The following GSS variants were observed in gnomAD, a reference collection of about 807,000 sequenced individuals.
GSS encodes glutathione synthetase.
Under a neutral mutation model 60.4 loss-of-function variants are expected in GSS, and 34 were observed. The ratio of observed to expected loss-of-function variants is 0.56; its 90% CI spans 0.43 to 0.75. The LOEUF is 0.75. GSS is among the 30% of genes least tolerant of loss of function. The pLI is 0.00. For synonymous variants in GSS, 224 were observed against 239.0 expected (o/e 0.94, Z 0.58); for missense variants, 499 against 595.1 (o/e 0.84, Z 1.68).
intron 3 of GSS, 34 bp downstream of exon 3, chr20:34,945,919 G>A: frequency 1.9e-6 from 3 of 1,611,598 alleles, no homozygotes; most frequent in Non-Finnish European, 2.5e-6. Context: ...GGCTCTGGCA[G>A]CTCCTGGCCC....
At chr20:34,951,683 T>C (rs749684727) in intron 2 of GSS, 41 bp downstream of exon 2, 3 of 1,579,712 alleles carry the variant, frequency 1.9e-6, no homozygotes, top group Non-Finnish European at 2.6e-6. Context: ...GGCCAGACAG[T>C]GGGCCATGGT....
intron 1 of GSS, chr20:34,952,075 C>T: frequency 1.7e-6 from 1 of 600,700 alleles, no homozygotes; most frequent in Non-Finnish European, 3.0e-6. Flanking sequence ...CATTGCCACT[C>T]TCTCTTTTGA....
In GSS at chr20:34,931,368, C is replaced by T. The variant is rs558398369; in HGVS notation, c.1079G>A (p.Arg360Gln). Residue 360 changes from arginine (R) to glutamine (Q), a missense_variant, in exon 11 of 13, where the codon CGG (arginine) becomes CAG (glutamine). Transcript: ENST00000651619. ...AIAEALAAPS[R>Q]FVLKPQREGG... ...CTCTCTCTGGGGCTTTAGCACAAAC[C>T]GGCTAGGGGCAGCAAGGGCCTCGGC... is the stretch of plus-strand genomic sequence containing the variant. The T allele has an allele frequency of 1.5e-5, 25 of 1,614,180 alleles. No individual in the cohort carries two copies. Among genetic ancestry groups the T allele is most frequent in the South Asian group, 9.9e-5 (9 of 91,088 alleles).
In GSS at chr20:34,928,930, C is replaced by G. The variant is rs1038132865; in HGVS notation, c.1323G>C (p.Met441Ile). ...VYVRQEKTLV[M>I]NKHVGHLLRT... is the part of the protein sequence containing the mutation. ...GAAGTAGATGCCCCACGTGCTTGTTCATCACGAGTGTCTTTTCCTGCCTAT... is the reference window on the plus strand; with the variant it reads ...GAAGTAGATGCCCCACGTGCTTGTTGATCACGAGTGTCTTTTCCTGCCTAT... The change falls in exon 13 of 13, where the codon ATG (methionine) becomes ATC (isoleucine). Residue 441 changes from methionine (M) to isoleucine (I), a missense_variant. By Grantham distance (10) the Met-to-Ile change is conservative (BLOSUM62 1). Coordinates refer to ENST00000651619, the MANE Select transcript of GSS (RefSeq NM_000178.4). 2 of 1,613,396 alleles carry G rather than the reference C, an allele frequency of 1.2e-6. No individual in the cohort carries two copies. Among genetic ancestry groups the G allele is most frequent in the African/African-American group, 1.3e-5 (1 of 74,870 alleles).
In GSS at chr20:34,942,580, G is replaced by A. The variant is rs181055807; in HGVS notation, c.399C>T (p.Ser133=). Residue 133 remains serine, a synonymous_variant, in exon 5 of 13, where the codon AGC becomes AGT. Transcript: ENST00000651619. The part of the protein sequence containing the change: ...LNRSDYMFQR[S]ADGSPALKQI... Reference sequence around the variant, plus strand: ...GTTTCAGGGCTGGGGAGCCATCTGCGCTGCGCTGGAACATGTAGTCTGAGC... The same window carrying A: ...GTTTCAGGGCTGGGGAGCCATCTGCACTGCGCTGGAACATGTAGTCTGAGC... 8.6e-5 allele frequency: 139 copies of A among 1,613,914 alleles called. No individual in the cohort carries two copies. Among genetic ancestry groups the A allele is most frequent in the East Asian group, 8.2e-4 (37 of 44,878 alleles).
At chr20:34,950,629 C>T (rs1042798115) in intron 2 of GSS, among the ~76,000 whole-genome samples, 23 of 151,214 alleles carry the variant, frequency 1.5e-4, no homozygotes, top group African/African-American at 4.9e-4. Flanking sequence ...ATTAGCCAGG[C>T]GTAGTGGCAC....
At chr20:34,931,198 T>C (rs2081398282) in intron 11 of GSS, 138 bp downstream of exon 11, 2 of 750,358 alleles carry the variant, frequency 2.7e-6, no homozygotes, top group Non-Finnish European at 4.8e-6. Flanking sequence ...TAGGGGACAC[T>C]GTCCAACATG....
chr20:34,942,631 T>C lies in GSS; in HGVS notation c.352-4A>G, dbSNP rs755150087. The C allele has an allele frequency of 6.2e-7, 1 of 1,613,824 alleles. No homozygotes were observed. Among genetic ancestry groups the C allele is most frequent in the Non-Finnish European group, 8.5e-7 (1 of 1,179,900 alleles). On this transcript the variant is annotated splice_region_variant and splice_polypyrimidine_tract_variant and intron_variant, in intron 4 of 12. Transcript: ENST00000651619. ...GATTCAGGCCCAGGAACACAGTCTG[T>C]GGGGAAAACTGAAGGCTGACAGTAC...
intron 5 of GSS, 50 bp from the exon 6 acceptor site, chr20:34,941,879 C>G: frequency 1.0e-6 from 1 of 1,002,310 alleles, no homozygotes. Flanking sequence ...CTGGAAGACC[C>G]CTCTGCCCAT....
chr20:34,955,053 G>A (rs985156582), intron 1 of GSS: 1 of 152,078 alleles, frequency 6.6e-6, no homozygotes, highest in Non-Finnish European at 1.5e-5. Flanking sequence ...GACTTGGCAC[G>A]TGCTGTCTTC....
intron 2 of GSS, among the ~76,000 whole-genome samples, chr20:34,948,476 A>G (rs1033515875): frequency 2.6e-5 from 4 of 152,152 alleles, no homozygotes; most frequent in African/African-American, 9.7e-5. Flanking sequence ...CACTTTTGAT[A>G]GAGACATTAA....
chr20:34,943,112 C>A, intron 3 of GSS, 106 bp from the exon 4 acceptor site: 1 of 776,502 alleles, frequency 1.3e-6, no homozygotes, highest in Non-Finnish European at 2.3e-6. Context: ...GTCTACTGGC[C>A]AAAACTTGAA....
chr20:34,947,881 T>G (rs1388203988), intron 2 of GSS, among the ~76,000 whole-genome samples: 2 of 152,016 alleles, frequency 1.3e-5, no homozygotes, highest in Non-Finnish European at 2.9e-5. Flanking sequence ...AAAGTAAAAA[T>G]ATCAAGTAAT....
At position 34,951,817 on chromosome 20, in the gene GSS, T is replaced by C; in HGVS notation, c.36A>G (p.Lys12=). ...ATNWGSLLQD[K]QQLEELARQA... ...GCCGTGCCAGCTCCTCTAGCTGCTG[T>C]TTATCCTGCAAGAGGCTCCCCCAGT... is the stretch of plus-strand genomic sequence containing the variant. Residue 12 remains lysine, a synonymous_variant, in exon 2 of 13, where the codon AAA becomes AAG. Coordinates refer to ENST00000651619, the MANE Select transcript of GSS (RefSeq NM_000178.4). 6.2e-7 allele frequency: 1 copy of C among 1,614,082 alleles called. No homozygotes were observed. Among genetic ancestry groups the C allele is most frequent in the Non-Finnish European group, 8.5e-7 (1 of 1,180,010 alleles).
chr20:34,946,233 G>A, intron 2 of GSS, 135 bp from the exon 3 acceptor site: 1 of 672,314 alleles, frequency 1.5e-6, no homozygotes, highest in South Asian at 2.1e-5. Context: ...GGTTACCTTG[G>A]GAGAGTGGAA....
intron 6 of GSS, 121 bp downstream of exon 6, chr20:34,941,592 A>C (rs2081483213): frequency 1.4e-6 from 1 of 733,712 alleles, no homozygotes; most frequent in South Asian, 1.4e-5. Context: ...TAAAGGTATA[A>C]GTTTCTATTC....
chr20:34,938,236 G>C (rs2081455898), intron 6 of GSS, among the ~76,000 whole-genome samples: 1 of 152,138 alleles, frequency 6.6e-6, no homozygotes, highest in Admixed American at 6.5e-5. Context: ...CCTAGGCTTT[G>C]GCTTAGGATT....
intron 5 of GSS, 108 bp downstream of exon 5, chr20:34,942,380 G>A: frequency 9.5e-7 from 1 of 1,050,480 alleles, no homozygotes; most frequent in South Asian, 1.4e-5. Context: ...TGTGACCCGG[G>A]GCCCAGGAAA....
At chr20:34,950,098 C>G (rs1250025864) in intron 2 of GSS, 3 of 150,952 alleles carry the variant, frequency 2.0e-5, no homozygotes, top group Non-Finnish European at 3.0e-5. Flanking sequence ...TGGATTACGC[C>G]TTTTCTAGGC....
Sources: allele counts gnomAD v4.1 joint callset (sites outside exome capture counted in the v4.1 genomes callset), GRCh38; gene constraint gnomAD v4.1.1; transcripts MANE v1.5; gene names NCBI Gene and HGNC (gene_info 2026-07-23, HGNC 2026-07-21).